Variants in PTPRD observed in about 807,000 individuals in gnomAD.
PTPRD encodes protein tyrosine phosphatase receptor type D.
In PTPRD, 34 loss-of-function variants were observed where a neutral mutation model predicts 214.5. That is an observed-to-expected ratio of 0.16 (90% CI 0.12 to 0.21). PTPRD has a LOEUF of 0.21. Among genes scored for constraint, PTPRD ranks in the 10% least tolerant of loss-of-function variants. PTPRD has a pLI of 1.00. For missense variants in PTPRD, 2,545 were observed against 2,398.7 expected (o/e 1.06, Z -1.27); for synonymous variants, 1,128 against 845.7 (o/e 1.33, Z -5.79).
intron 3 of PTPRD, among the ~76,000 whole-genome samples, chr9:10,299,126 T>C (rs1035679678): frequency 6.6e-6 from 1 of 152,210 alleles, no homozygotes. Flanking sequence ...TTTACATTTG[T>C]AAATGTAATA....
chr9:9,942,044 A>G (rs1314117071), intron 4 of PTPRD, among the ~76,000 whole-genome samples: 1 of 152,178 alleles, frequency 6.6e-6, no homozygotes, highest in African/African-American at 2.4e-5. Flanking sequence ...TAGGTAATGA[A>G]TTCCTGTGAA....
intron 2 of PTPRD, among the ~76,000 whole-genome samples, chr9:10,446,009 G>C (rs145605680): frequency 3.9e-5 from 6 of 152,010 alleles, no homozygotes; most frequent in Admixed American, 6.6e-5. Context: ...GAGAGGGCAA[G>C]ATCAAAGATT....
chr9:9,207,588 T>A (rs2099945665), intron 9 of PTPRD, among the ~76,000 whole-genome samples: 1 of 152,212 alleles, frequency 6.6e-6, no homozygotes, highest in Admixed American at 6.5e-5. Flanking sequence ...AAACGTGCTC[T>A]GTCTTACATT....
chr9:8,726,349 G>T (rs1476007239), intron 12 of PTPRD, among the ~76,000 whole-genome samples: 1 of 151,418 alleles, frequency 6.6e-6, no homozygotes, highest in Non-Finnish European at 1.5e-5. Context: ...AGCACTTTGG[G>T]AAGCCAAGGC....
intron 5 of PTPRD, among the ~76,000 whole-genome samples, chr9:9,865,207 T>C (rs2063677857): frequency 6.6e-6 from 1 of 152,218 alleles, no homozygotes. Context: ...ATAAATCTAT[T>C]TACATTTGAA....
At chr9:9,839,227 C>T (rs566697740) in intron 5 of PTPRD, among the ~76,000 whole-genome samples, 1 of 152,030 alleles carries the variant, frequency 6.6e-6, no homozygotes, top group African/African-American at 2.4e-5. Context: ...GAAGGAAATA[C>T]AGGGTATTCA....
intron 3 of PTPRD, among the ~76,000 whole-genome samples, chr9:10,133,811 G>A (rs2098921140): frequency 1.3e-5 from 2 of 152,076 alleles, no homozygotes; most frequent in Admixed American, 6.6e-5. Flanking sequence ...AAAAATACAT[G>A]ATCTGGAAAG....
At chr9:10,501,968 T>A (rs1343948096) in intron 2 of PTPRD, among the ~76,000 whole-genome samples, 1 of 151,900 alleles carries the variant, frequency 6.6e-6, no homozygotes, top group African/African-American at 2.4e-5. Context: ...CATCATTATG[T>A]TTTTAAAGCT....
At chr9:9,424,908 C>A (rs1487211693) in intron 8 of PTPRD, among the ~76,000 whole-genome samples, 1 of 152,112 alleles carries the variant, frequency 6.6e-6, no homozygotes, top group African/African-American at 2.4e-5. Context: ...TCCTGTATAC[C>A]TATATCAATG....
chr9:9,871,280 T>C (rs2065342324), intron 5 of PTPRD, among the ~76,000 whole-genome samples: 2 of 152,184 alleles, frequency 1.3e-5, no homozygotes, highest in South Asian at 4.1e-4. Flanking sequence ...ATAGCAAAAA[T>C]AACAGTAAGA....
At chr9:8,353,940 A>G (rs2076301821) in intron 39 of PTPRD, among the ~76,000 whole-genome samples, 1 of 8,770 alleles carries the variant, frequency 1.1e-4, no homozygotes, top group African/African-American at 2.3e-4. Flanking sequence ...GTGTGTACAT[A>G]TATATATATA....
At chr9:9,590,205 A>T (rs141178098) in intron 7 of PTPRD, among the ~76,000 whole-genome samples, 3 of 152,100 alleles carry the variant, frequency 2.0e-5, no homozygotes, top group African/African-American at 7.2e-5. Flanking sequence ...ATACTGTTCT[A>T]TGATCTATTT....
rs183022729 is a variant in PTPRD, at chr9:9,677,884, A to C, written c.-287+56649T>G. Among the ~76,000 whole-genome samples the C allele has an allele frequency of 2.3e-3, 347 of 152,252 alleles. 1 individual carries two copies. The highest frequency in any genetic ancestry group is 7.9e-3 in the African/African-American group (330 of 41,544). On this transcript the variant is annotated intron_variant, in intron 7 of 45. Coordinates refer to ENST00000381196, the MANE Select transcript of PTPRD (RefSeq NM_002839.4). ...AGTTCAGCAAAGTCTCAGGATACAAAATCAATGTGCAAAAATCACAAGCGT... is the reference window on the plus strand; with the variant it reads ...AGTTCAGCAAAGTCTCAGGATACAACATCAATGTGCAAAAATCACAAGCGT...
intron 5 of PTPRD, among the ~76,000 whole-genome samples, chr9:9,767,562 C>T (rs2098717006): frequency 1.3e-5 from 2 of 151,996 alleles, no homozygotes; most frequent in South Asian, 2.1e-4. Context: ...CACAGATTAT[C>T]TAAATCTGAG....
chr9:8,599,153 C>A (rs1473899711), intron 14 of PTPRD, among the ~76,000 whole-genome samples: 1 of 152,128 alleles, frequency 6.6e-6, no homozygotes, highest in Non-Finnish European at 1.5e-5. Flanking sequence ...TGCATACATT[C>A]TCTTGCATTC....
At chr9:10,403,532 G>C (rs2098310631) in intron 2 of PTPRD, among the ~76,000 whole-genome samples, 1 of 151,192 alleles carries the variant, frequency 6.6e-6, no homozygotes, top group African/African-American at 2.4e-5. Context: ...CACTGCTTTT[G>C]GGAGAGCGAA....
chr9:9,410,218 T>C (rs983607880), intron 8 of PTPRD, among the ~76,000 whole-genome samples: 3 of 152,194 alleles, frequency 2.0e-5, no homozygotes, highest in African/African-American at 7.2e-5. Flanking sequence ...ATTCAGTCCA[T>C]ATGGTATTTC....
At chr9:8,607,847 T>G (rs2095293138) in intron 14 of PTPRD, among the ~76,000 whole-genome samples, 1 of 152,186 alleles carries the variant, frequency 6.6e-6, no homozygotes, top group Admixed American at 6.5e-5. Flanking sequence ...TATATAATTT[T>G]AAGGCAACCT....
chr9:10,106,137 G>A (rs78888688), intron 3 of PTPRD, among the ~76,000 whole-genome samples: 1,591 of 149,672 alleles, frequency 0.011, 38 homozygotes, highest in African/African-American at 0.038. Flanking sequence ...ATAAGTTTTT[G>A]AATTCAATTT....
Sources: gnomAD v4.1 joint callset for allele counts (sites outside exome capture counted in the v4.1 genomes callset) on GRCh38, gnomAD v4.1.1 for gene constraint, MANE v1.5 for transcripts, NCBI Gene and HGNC (gene_info 2026-07-23, HGNC 2026-07-21) for gene names.